FBXW10B: variants seen among roughly 807,000 people sequenced by gnomAD.
FBXW10B encodes the protein F-box and WD repeat domain containing 10B.
At chr17:15,601,146 A>G in the FBXW10B span, among the ~76,000 whole-genome samples, 117 of 150,592 alleles carry the variant, frequency 7.8e-4, 1 homozygote, top group African/African-American at 2.8e-3. Context: ...GCAGTAGCTC[A>G]CGCCTGTAAT....
chr17:15,618,105 G>A, the FBXW10B span, among the ~76,000 whole-genome samples: 2,132 of 152,232 alleles, frequency 0.014, 46 homozygotes, highest in African/African-American at 0.048. Context: ...CGAGGCAGGC[G>A]GATCACGAGG....
the FBXW10B span, among the ~76,000 whole-genome samples, chr17:15,592,161 A>G: frequency 5.9e-5 from 9 of 152,318 alleles, no homozygotes; most frequent in East Asian, 1.7e-3. Flanking sequence ...CTAGAAAAGT[A>G]ACTTGTTTTG....
chr17:15,616,009 C>T, the FBXW10B span, among the ~76,000 whole-genome samples: 11 of 152,002 alleles, frequency 7.2e-5, no homozygotes, highest in African/African-American at 2.7e-4. Context: ...CTTTTCAGCA[C>T]GCCCCCATTG....
the FBXW10B span, among the ~76,000 whole-genome samples, chr17:15,603,708 A>T: frequency 1.5e-4 from 22 of 147,488 alleles, no homozygotes; most frequent in Non-Finnish European, 2.5e-4. Context: ...CCTTTAAAAA[A>T]CTCATGCACA....
chr17:15,592,295 G>GTTT, the FBXW10B span, among the ~76,000 whole-genome samples: 166 of 107,680 alleles, frequency 1.5e-3, 1 homozygote, highest in African/African-American at 5.6e-3. Context: ...AATGGCCAGA[G>GTTT]TTTTTTTTTT....
the FBXW10B span, chr17:15,589,237 C>T: frequency 1.2e-6 from 2 of 1,613,796 alleles, no homozygotes; most frequent in South Asian, 1.1e-5. Context: ...TCTGTGGATG[C>T]AGAGTAAAGA....
chr17:15,574,161 T>C, the FBXW10B span: 2 of 747,508 alleles, frequency 2.7e-6, no homozygotes, highest in Non-Finnish European at 4.9e-6. Flanking sequence ...GCCAAGCATT[T>C]ACTTTGGTTA....
At chr17:15,583,473 C>T in the FBXW10B span, among the ~76,000 whole-genome samples, 3 of 148,700 alleles carry the variant, frequency 2.0e-5, no homozygotes, top group Admixed American at 2.1e-4. Context: ...AGCATCAGTG[C>T]CCCCAGGACA....
chr17:15,581,679 A>G, the FBXW10B span, among the ~76,000 whole-genome samples: 11 of 152,150 alleles, frequency 7.2e-5, no homozygotes, highest in East Asian at 1.2e-3. Context: ...TTGGCTCAGC[A>G]TATGTAGCTT....
the FBXW10B span, among the ~76,000 whole-genome samples, chr17:15,576,633 G>A: frequency 6.6e-6 from 1 of 152,236 alleles, no homozygotes; most frequent in Non-Finnish European, 1.5e-5. Flanking sequence ...TGGTGACGCT[G>A]ACAGGGAAAT....
the FBXW10B span, among the ~76,000 whole-genome samples, chr17:15,614,227 C>T: frequency 6.6e-6 from 1 of 152,046 alleles, no homozygotes; most frequent in Non-Finnish European, 1.5e-5. Context: ...CTCGCTCTGT[C>T]GCCCAGGTTG....
At chr17:15,592,443 G>A in the FBXW10B span, among the ~76,000 whole-genome samples, 1 of 151,862 alleles carries the variant, frequency 6.6e-6, no homozygotes, top group East Asian at 1.9e-4. Context: ...GACATTAAGA[G>A]ATGTCTCAAG....
At chr17:15,572,640 A>T in the FBXW10B span, 1 of 151,746 alleles carries the variant, frequency 6.6e-6, no homozygotes, top group African/African-American at 2.4e-5. Context: ...AATACAGAAC[A>T]ATTGGGAGAG....
At chr17:15,601,239 C>G in the FBXW10B span, among the ~76,000 whole-genome samples, 1 of 146,998 alleles carries the variant, frequency 6.8e-6, no homozygotes, top group Non-Finnish European at 1.5e-5. Flanking sequence ...GAAACCCCGT[C>G]TCTACTAAAA....
the FBXW10B span, among the ~76,000 whole-genome samples, chr17:15,603,601 A>C: frequency 3.3e-5 from 5 of 152,070 alleles, no homozygotes; most frequent in Admixed American, 2.6e-4. Context: ...ATAAGAAGAG[A>C]TATTCTCATA....
the FBXW10B span, among the ~76,000 whole-genome samples, chr17:15,604,991 A>G: frequency 2.0e-5 from 3 of 152,294 alleles, no homozygotes. Flanking sequence ...GCAGTCATCA[A>G]TTAGAAAATA....
chr17:15,572,623 G>A, the FBXW10B span: 1 of 152,048 alleles, frequency 6.6e-6, no homozygotes, highest in East Asian at 1.9e-4. Context: ...GAAAGAGACA[G>A]AATGATAATA....
At chr17:15,572,134 TA>T in the FBXW10B span, 1 of 150,966 alleles carries the variant, frequency 6.6e-6, no homozygotes, top group South Asian at 2.1e-4. Flanking sequence ...TTGCAATGGG[TA>T]AATTTGTGTA....
chr17:15,619,224 T>G, the FBXW10B span: 1 of 1,614,006 alleles, frequency 6.2e-7, no homozygotes, highest in Non-Finnish European at 8.5e-7. Flanking sequence ...TTCCCCTCTT[T>G]CTTGCTGAGG....
Sources: allele counts gnomAD v4.1 joint callset (sites outside exome capture counted in the v4.1 genomes callset), GRCh38; gene constraint gnomAD v4.1.1; transcripts MANE v1.5; gene names NCBI Gene and HGNC (gene_info 2026-07-23, HGNC 2026-07-21).